CENPK: variants seen among roughly 807,000 people sequenced by gnomAD.
CENPK encodes the protein SoxLZ/Sox6-binding protein Solt.
Under a neutral mutation model 40.9 loss-of-function variants are expected in CENPK, and 46 were observed. That is an observed-to-expected ratio of 1.13 (90% confidence interval 0.89 to 1.44). The LOEUF (loss-of-function observed/expected upper bound fraction) is 1.44, where lower values mean the gene tolerates loss of function less well. Among genes scored for constraint, CENPK ranks in the 40% most tolerant of loss-of-function variants. The probability of loss-of-function intolerance (pLI) is 0.00; values close to 1 mark genes in which losing one functional copy is unlikely to be tolerated. For synonymous variants in CENPK, 107 were observed against 104.4 expected, an observed-to-expected ratio of 1.02 and a Z score of -0.15; for missense variants, 288 against 303.5, an observed-to-expected ratio of 0.95 and a Z score of 0.38.
chr5:65,559,078 C>G (rs563387854), intron 2 of CENPK, among the ~76,000 whole-genome samples: 1 of 152,208 alleles, frequency 6.6e-6, no homozygotes, highest in Non-Finnish European at 1.5e-5. Context: ...TACCCCACAT[C>G]AAACGCAAAT....
chr5:65,529,029 GA>G lies in CENPK; in HGVS notation c.372-13del. Reference sequence around the variant, plus strand: ...ACCACCGTTGTTCCCTTTCGACATGGAAAAACAATACAAGCAATATCTAAAT... The same window carrying G: ...ACCACCGTTGTTCCCTTTCGACATGGAAAACAATACAAGCAATATCTAAAT... On this transcript the variant is annotated splice_polypyrimidine_tract_variant and intron_variant, in intron 7 of 10. Coordinates refer to ENST00000396679, the MANE Select transcript of CENPK (RefSeq NM_022145.5). The G allele has an allele frequency of 6.3e-7, 1 of 1,587,438 alleles. No homozygotes were observed. Among genetic ancestry groups the G allele is most frequent in the Non-Finnish European group, 8.6e-7 (1 of 1,159,356 alleles).
chr5:65,538,415 A>G (rs919259103), intron 6 of CENPK, among the ~76,000 whole-genome samples: 32 of 152,144 alleles, frequency 2.1e-4, no homozygotes, highest in Non-Finnish European at 4.4e-4. Flanking sequence ...GACTCCATAT[A>G]TTATTACTTA....
chr5:65,548,587 C>T lies in CENPK; in HGVS notation c.241+2977G>A, dbSNP rs148340490. Among the ~76,000 whole-genome samples, 1,056 of 152,258 alleles carry T rather than the reference C, an allele frequency of 6.9e-3. 11 individuals are homozygous for T. Among genetic ancestry groups the T allele is most frequent in the African/African-American group, 0.024 (1,010 of 41,556 alleles). On this transcript the variant is annotated intron_variant, in intron 5 of 10. Coordinates refer to ENST00000396679, the MANE Select transcript of CENPK (RefSeq NM_022145.5). Reference sequence around the variant, plus strand: ...ATTTTACCCACAGCAGAACTTCTTTCAAAATTAGTCACTCCTCTCAAACCC... The same window carrying T: ...ATTTTACCCACAGCAGAACTTCTTTTAAAATTAGTCACTCCTCTCAAACCC...
At chr5:65,506,812 A>T in the CENPK span, among the ~76,000 whole-genome samples, 1 of 152,092 alleles carries the variant, frequency 6.6e-6, no homozygotes, top group South Asian at 2.1e-4. Context: ...TTTAAAATAA[A>T]TTTGTTTTTT....
chr5:65,505,075 G>A, the CENPK span, among the ~76,000 whole-genome samples: 3 of 152,044 alleles, frequency 2.0e-5, no homozygotes, highest in Admixed American at 6.6e-5. Context: ...CTACAGGTAT[G>A]TCCCACCATA....
chr5:65,527,249 A>G (rs1744868905), intron 9 of CENPK, among the ~76,000 whole-genome samples: 1 of 151,978 alleles, frequency 6.6e-6, no homozygotes, highest in African/African-American at 2.4e-5. Context: ...CAGAAAAAAT[A>G]GAATGTATAA....
intron 5 of CENPK, among the ~76,000 whole-genome samples, chr5:65,547,390 C>CA (rs70983677): frequency 0.015 from 1,669 of 109,272 alleles, 38 homozygotes; most frequent in African/African-American, 0.046. Context: ...AAGACTGTCT[C>CA]AAAAAAAAAA....
At chr5:65,519,173 GT>G (rs1743246351) in intron 10 of CENPK, among the ~76,000 whole-genome samples, 1 of 152,092 alleles carries the variant, frequency 6.6e-6, no homozygotes, top group Non-Finnish European at 1.5e-5. Context: ...TTGAGTATTT[GT>G]ATTAAATTAT....
At chr5:65,500,951 T>C in the CENPK span, among the ~76,000 whole-genome samples, 13 of 152,092 alleles carry the variant, frequency 8.5e-5, no homozygotes, top group South Asian at 2.1e-3. Flanking sequence ...ATTACAGGCG[T>C]GAACCATGGT....
downstream of CENPK, among the ~76,000 whole-genome samples, chr5:65,514,563 C>A (rs545707543): frequency 3.3e-5 from 5 of 152,240 alleles, no homozygotes; most frequent in African/African-American, 1.2e-4. Flanking sequence ...TCGTGCTCAG[C>A]CTCACAGAGT....
intron 9 of CENPK, among the ~76,000 whole-genome samples, chr5:65,527,255 TA>T (rs1207519277): frequency 6.6e-6 from 1 of 151,592 alleles, no homozygotes; most frequent in Non-Finnish European, 1.5e-5. Flanking sequence ...AAATAGAATG[TA>T]TAAGGCACAA....
intron 9 of CENPK, among the ~76,000 whole-genome samples, chr5:65,527,894 T>G (rs1745009405): frequency 6.6e-6 from 1 of 152,168 alleles, no homozygotes; most frequent in Non-Finnish European, 1.5e-5. Context: ...ATACATTATA[T>G]GAAAAGCTAA....
chr5:65,539,828 TGGA>T (rs2150434702), intron 6 of CENPK, among the ~76,000 whole-genome samples: 1 of 152,246 alleles, frequency 6.6e-6, no homozygotes, highest in East Asian at 1.9e-4. Flanking sequence ...TTCTGCACCC[TGGA>T]GGAGATATGA....
the CENPK span, among the ~76,000 whole-genome samples, chr5:65,496,758 T>C: frequency 6.6e-6 from 1 of 152,066 alleles, no homozygotes; most frequent in African/African-American, 2.4e-5. Flanking sequence ...ATATTTTTAC[T>C]ATAAAAATAA....
At chr5:65,498,609 C>G in the CENPK span, among the ~76,000 whole-genome samples, 1 of 148,836 alleles carries the variant, frequency 6.7e-6, no homozygotes, top group East Asian at 2.0e-4. Context: ...TCTTTCTTTT[C>G]TTTTTTTCTT....
At chr5:65,538,847 G>C (rs966495546) in intron 6 of CENPK, among the ~76,000 whole-genome samples, 1 of 152,172 alleles carries the variant, frequency 6.6e-6, no homozygotes, top group Non-Finnish European at 1.5e-5. Flanking sequence ...GTTAGCAACA[G>C]TAAGCTAAGA....
chr5:65,512,353 A>G, the CENPK span, among the ~76,000 whole-genome samples: 1 of 152,244 alleles, frequency 6.6e-6, no homozygotes, highest in South Asian at 2.1e-4. Flanking sequence ...CCTATCAAAC[A>G]GCATCTTACC....
At chr5:65,539,350 G>A (rs1259072521) in intron 6 of CENPK, among the ~76,000 whole-genome samples, 1 of 152,142 alleles carries the variant, frequency 6.6e-6, no homozygotes, top group East Asian at 1.9e-4. Flanking sequence ...AGATTTTGAA[G>A]CAAATTGATC....
chr5:65,516,453 G>A (rs946829262), downstream of CENPK, among the ~76,000 whole-genome samples: 1 of 152,112 alleles, frequency 6.6e-6, no homozygotes, highest in African/African-American at 2.4e-5. Flanking sequence ...CCACCATCAT[G>A]TGAATTGGCT....
Sources: allele counts gnomAD v4.1 joint callset (sites outside exome capture counted in the v4.1 genomes callset), GRCh38; gene constraint gnomAD v4.1.1; transcripts MANE v1.5; gene names NCBI Gene and HGNC (gene_info 2026-07-23, HGNC 2026-07-21).